The following GRIK2 variants were observed in gnomAD, a reference collection of about 807,000 sequenced individuals.
GRIK2 encodes glutamate receptor ionotropic, kainate 2.
In GRIK2, 32 loss-of-function variants were observed where a neutral mutation model predicts 100.3. The observed-to-expected ratio is 0.32, with a 90% confidence interval of 0.24 to 0.43. The LOEUF is 0.43. GRIK2 is among the 20% of genes least tolerant of loss of function. The pLI, the probability that GRIK2 is intolerant of heterozygous loss-of-function variation, is 1.00. For synonymous variants in GRIK2, 417 were observed against 389.4 expected (o/e 1.07, Z -0.83); for missense variants, 843 against 1,114.9 (o/e 0.76, Z 3.47).
At chr6:101,978,917 G>T (rs1362765022) in intron 14 of GRIK2, among the ~76,000 whole-genome samples, 1 of 151,840 alleles carries the variant, frequency 6.6e-6, no homozygotes, top group Non-Finnish European at 1.5e-5. Flanking sequence ...GCAGACAAAT[G>T]GATATATTTC....
chr6:101,681,952 T>G (rs1267631097), intron 5 of GRIK2, among the ~76,000 whole-genome samples: 1 of 152,178 alleles, frequency 6.6e-6, no homozygotes, highest in Non-Finnish European at 1.5e-5. Flanking sequence ...GTTTTTAAGA[T>G]TGACAGTCTA....
intron 11 of GRIK2, among the ~76,000 whole-genome samples, chr6:101,871,716 T>G (rs1429977559): frequency 6.6e-6 from 1 of 152,028 alleles, no homozygotes; most frequent in Non-Finnish European, 1.5e-5. Context: ...ATTTTGTCCT[T>G]TTTTATGGCT....
At chr6:101,498,067 C>T (rs1223177641) in intron 2 of GRIK2, among the ~76,000 whole-genome samples, 3 of 133,806 alleles carry the variant, frequency 2.2e-5, no homozygotes, top group East Asian at 2.4e-4. Context: ...CCTTCCTGTG[C>T]CCATGTGTTC....
intron 2 of GRIK2, among the ~76,000 whole-genome samples, chr6:101,414,740 T>G (rs988418538): frequency 6.6e-6 from 1 of 152,148 alleles, no homozygotes; most frequent in African/African-American, 2.4e-5. Flanking sequence ...TTACCTCACA[T>G]CCCATTAGTC....
At chr6:101,707,586 GTGTGTGTGTATATATGTGTGTA>G (rs1773408563) in intron 7 of GRIK2, among the ~76,000 whole-genome samples, 2 of 132,568 alleles carry the variant, frequency 1.5e-5, no homozygotes, top group Admixed American at 1.5e-4. Context: ...ATGTGTGTGT[GTGTGTGTGTATATATGTGTGTA>G]TATATATATA....
intron 5 of GRIK2, 112 bp downstream of exon 5, chr6:101,676,916 T>C: frequency 1.7e-6 from 1 of 593,720 alleles, no homozygotes. Context: ...ATAACCTTGA[T>C]GTAATTTTAT....
intron 12 of GRIK2, among the ~76,000 whole-genome samples, chr6:101,904,116 G>T (rs1242546424): frequency 1.3e-5 from 2 of 150,142 alleles, no homozygotes; most frequent in African/African-American, 4.9e-5. Flanking sequence ...TTCTCTATTA[G>T]TTAACTTTCT....
intron 2 of GRIK2, among the ~76,000 whole-genome samples, chr6:101,546,819 C>CTTTTTTTTTTTTTTTT (rs1169622526): frequency 1.0e-4 from 8 of 76,888 alleles, no homozygotes; most frequent in Non-Finnish European, 1.6e-4. Flanking sequence ...GTTTTTGTTT[C>CTTTTTTTTTTTTTTTT]TTTTTTTTTT....
chr6:101,779,193 G>T (rs1409382652), intron 7 of GRIK2, among the ~76,000 whole-genome samples: 1 of 151,972 alleles, frequency 6.6e-6, no homozygotes, highest in Non-Finnish European at 1.5e-5. Context: ...AGACTCATCA[G>T]TCATGAGGTT....
intron 10 of GRIK2, among the ~76,000 whole-genome samples, chr6:101,830,657 T>G (rs1170428159): frequency 6.6e-6 from 1 of 151,018 alleles, no homozygotes; most frequent in African/African-American, 2.4e-5. Context: ...AAAACCACAG[T>G]GAGATGCCAT....
intron 7 of GRIK2, among the ~76,000 whole-genome samples, chr6:101,792,674 C>T (rs1261735616): frequency 2.0e-5 from 3 of 152,080 alleles, no homozygotes; most frequent in Non-Finnish European, 4.4e-5. Context: ...GTAAATCTGA[C>T]AATTATGTGT....
intron 2 of GRIK2, among the ~76,000 whole-genome samples, chr6:101,611,511 A>G (rs1342444676): frequency 6.6e-6 from 1 of 151,880 alleles, no homozygotes; most frequent in Non-Finnish European, 1.5e-5. Flanking sequence ...ATTTCACCTG[A>G]AATATTGACA....
chr6:101,505,090 A>G (rs906173205), intron 2 of GRIK2, among the ~76,000 whole-genome samples: 1 of 149,820 alleles, frequency 6.7e-6, no homozygotes, highest in Non-Finnish European at 1.5e-5. Flanking sequence ...TTTACTTGTC[A>G]TTAAGTTTAA....
At chr6:101,638,965 C>A (rs563713766) in intron 4 of GRIK2, among the ~76,000 whole-genome samples, 4 of 152,190 alleles carry the variant, frequency 2.6e-5, no homozygotes, top group Admixed American at 6.5e-5. Context: ...CCAGCCTGAG[C>A]AACAAAGTCA....
In GRIK2 at chr6:102,057,758, C is replaced by A. The variant is rs1043339341; in HGVS notation, c.2562+2178C>A. 5.9e-5 allele frequency among the ~76,000 whole-genome samples: 9 copies of A among 151,800 alleles called. No individual in the cohort carries two copies. The East Asian group carries it at 1.4e-3, about 23-fold the overall frequency. On this transcript the variant is annotated intron_variant, in intron 16 of 16. Coordinates refer to ENST00000369134, the MANE Select transcript of GRIK2 (RefSeq NM_021956.5). ...TCTTTTGCTCCTCTCCAATTTGCAC[C>A]TTTACTACAGCCACACTACATTTTA...
intron 12 of GRIK2, among the ~76,000 whole-genome samples, chr6:101,916,759 G>T (rs1789137319): frequency 1.3e-5 from 2 of 151,598 alleles, no homozygotes; most frequent in South Asian, 4.1e-4. Context: ...AGACAATATA[G>T]CTAAGTTTGT....
intron 14 of GRIK2, among the ~76,000 whole-genome samples, chr6:101,948,509 T>C (rs1252294312): frequency 6.8e-6 from 1 of 148,122 alleles, no homozygotes; most frequent in African/African-American, 2.4e-5. Context: ...TATAGTTATA[T>C]ATAAATATAT....
intron 2 of GRIK2, among the ~76,000 whole-genome samples, chr6:101,583,547 C>A (rs2128303839): frequency 6.6e-6 from 1 of 152,228 alleles, no homozygotes; most frequent in East Asian, 1.9e-4. Flanking sequence ...TAGTCCTTAG[C>A]TTCCTCAACT....
intron 2 of GRIK2, among the ~76,000 whole-genome samples, chr6:101,405,704 G>GT (rs1189623232): frequency 6.6e-6 from 1 of 152,154 alleles, no homozygotes; most frequent in Non-Finnish European, 1.5e-5. Context: ...TGAAGAAAGG[G>GT]TAGATCACTG....
Sources: allele counts gnomAD v4.1 joint callset (sites outside exome capture counted in the v4.1 genomes callset), GRCh38; gene constraint gnomAD v4.1.1; transcripts MANE v1.5; gene names NCBI Gene and HGNC (gene_info 2026-07-23, HGNC 2026-07-21).